TPRG1: variants seen among roughly 807,000 people sequenced by gnomAD.
TPRG1 encodes the protein tumor protein p63 regulated 1.
TPRG1 carries 29 observed loss-of-function variants against 29.3 expected under a neutral mutation model. That is an observed-to-expected ratio of 0.99 (90% CI 0.74 to 1.35). TPRG1 has a LOEUF of 1.35. Among genes scored for constraint, TPRG1 ranks in the 40% most tolerant of loss-of-function variants. The pLI, the probability that TPRG1 is intolerant of heterozygous loss-of-function variation, is 0.00. For missense variants in TPRG1, 327 were observed against 335.0 expected, an observed-to-expected ratio of 0.98 and a Z score of 0.19; for synonymous variants, 130 against 116.8, an observed-to-expected ratio of 1.11 and a Z score of -0.73.
At chr3:189,299,736 C>T (rs570761978) in intron 4 of TPRG1, among the ~76,000 whole-genome samples, 1 of 151,460 alleles carries the variant, frequency 6.6e-6, no homozygotes, top group East Asian at 1.9e-4. Context: ...ATTTAGACAT[C>T]GACCCTATTC....
At chr3:189,048,505 T>A (rs532185352) in intron 4 of TPRG1, among the ~76,000 whole-genome samples, 2 of 152,266 alleles carry the variant, frequency 1.3e-5, no homozygotes, top group Admixed American at 1.3e-4. Context: ...AAAAGATGAG[T>A]CAGCCTATCC....
intron 4 of TPRG1, among the ~76,000 whole-genome samples, chr3:189,289,047 G>GA (rs1256323413): frequency 2.6e-5 from 4 of 152,204 alleles, no homozygotes; most frequent in African/African-American, 7.2e-5. Flanking sequence ...AACCTGGGCT[G>GA]AAAAAAGCTG....
chr3:189,176,589 G>C (rs1243013173), intron 1 of TPRG1, among the ~76,000 whole-genome samples: 1 of 152,178 alleles, frequency 6.6e-6, no homozygotes, highest in Non-Finnish European at 1.5e-5. Context: ...AGAAAGTTAT[G>C]GAGAGCTAGA....
intron 1 of TPRG1, among the ~76,000 whole-genome samples, chr3:189,199,808 A>T (rs368267145): frequency 4.6e-5 from 7 of 152,170 alleles, no homozygotes; most frequent in African/African-American, 1.4e-4. Flanking sequence ...TGAACCCTGG[A>T]GGCAGAGGTT....
chr3:189,119,835 G>T (rs1195281052), intron 1 of TPRG1, among the ~76,000 whole-genome samples: 4 of 152,192 alleles, frequency 2.6e-5, no homozygotes, highest in African/African-American at 9.7e-5. Flanking sequence ...TCTCAGGTAT[G>T]TCTTTAATAG....
chr3:189,011,715 A>G (rs1712610934), intron 3 of TPRG1, among the ~76,000 whole-genome samples: 1 of 152,172 alleles, frequency 6.6e-6, no homozygotes, highest in Non-Finnish European at 1.5e-5. Context: ...GGGAGCTATG[A>G]GATGAGATTT....
intron 4 of TPRG1, among the ~76,000 whole-genome samples, chr3:189,296,601 T>G (rs957006984): frequency 2.6e-5 from 4 of 152,306 alleles, no homozygotes; most frequent in Admixed American, 1.3e-4. Flanking sequence ...GGCCACATAC[T>G]TTAATAAGGA....
At chr3:189,189,116 G>A (rs1316341155) in intron 1 of TPRG1, among the ~76,000 whole-genome samples, 1 of 151,778 alleles carries the variant, frequency 6.6e-6, no homozygotes, top group Non-Finnish European at 1.5e-5. Flanking sequence ...TATAACATTT[G>A]CATTGTAAAA....
At chr3:189,251,761 C>T (rs1020647111) in intron 4 of TPRG1, among the ~76,000 whole-genome samples, 30 of 152,332 alleles carry the variant, frequency 2.0e-4, no homozygotes, top group African/African-American at 6.7e-4. Context: ...AGCCCTAAGG[C>T]GGTTTTTCCC....
At chr3:189,074,199 CTTTTTTTTTTTT>C (rs554150288) in intron 4 of TPRG1, among the ~76,000 whole-genome samples, 1 of 68,080 alleles carries the variant, frequency 1.5e-5, no homozygotes, top group East Asian at 3.8e-4. Context: ...AATTATTTTC[CTTTTTTTTTTTT>C]TTTTTTTTTT....
Position 189,120,455 on chromosome 3 carries a change from A to T in TPRG1, c.-743-6602A>T, listed in dbSNP as rs531807922. 2.6e-5 allele frequency: 4 copies of T among 152,352 alleles called. No individual in the cohort carries two copies. In the East Asian group the frequency reaches 5.8e-4, roughly 22 times the overall value. 9.4% of individuals were successfully genotyped at this position (152,352 alleles called of 1,614,324 possible). ...ATTCTCAGTAAGTTCCAAGATGTAG[A>T]TTCTGGACAAAGAGTCTGGCATACT... On this transcript the variant is annotated intron_variant, in intron 1 of 6. Transcript: ENST00000412373.
At chr3:189,120,059 T>A (rs996893874) in intron 1 of TPRG1, among the ~76,000 whole-genome samples, 9 of 152,192 alleles carry the variant, frequency 5.9e-5, no homozygotes. Context: ...CATCATTAAC[T>A]GTGCCCCAAA....
In TPRG1 at chr3:189,137,154, A is replaced by G. The variant is rs139666888; in HGVS notation, c.-291+4457A>G. 3.3e-4 allele frequency among the ~76,000 whole-genome samples: 50 copies of G among 152,344 alleles called. No individual in the cohort carries two copies. The East Asian group carries it at 8.1e-3, about 25-fold the overall frequency. ...GTGATTTTGCCACGCCTGCTTTGCAATCATTGGGAAATCCCTGTGTATCTT... is the reference window on the plus strand; with the variant it reads ...GTGATTTTGCCACGCCTGCTTTGCAGTCATTGGGAAATCCCTGTGTATCTT... On this transcript the variant is annotated intron_variant, in intron 3 of 6. Coordinates refer to the TPRG1 transcript ENST00000412373.
intron 4 of TPRG1, among the ~76,000 whole-genome samples, chr3:189,087,735 T>C (rs1364399190): frequency 6.6e-6 from 1 of 152,232 alleles, no homozygotes; most frequent in Non-Finnish European, 1.5e-5. Context: ...GTCTAGCCAG[T>C]TTTCCCAGCA....
At chr3:189,260,837 G>A (rs924197888) in intron 4 of TPRG1, among the ~76,000 whole-genome samples, 6 of 152,084 alleles carry the variant, frequency 3.9e-5, no homozygotes, top group African/African-American at 1.2e-4. Flanking sequence ...GGAGGGCATC[G>A]CAGACATCAT....
chr3:189,131,136 A>T lies in TPRG1; in HGVS notation c.-589-1263A>T, dbSNP rs111978224. ...ATAATCTTACCTTTTACTCTAAAAA[A>T]TGTTTTAAATCGGAGCAGCGATTAT... is the stretch of plus-strand genomic sequence containing the variant. On this transcript the variant is annotated intron_variant, in intron 2 of 6. Coordinates refer to the TPRG1 transcript ENST00000412373. Among the ~76,000 whole-genome samples, 836 of 152,296 alleles carry T rather than the reference A, an allele frequency of 5.5e-3. 8 individuals carry two copies. The highest frequency in any genetic ancestry group is 0.019 in the African/African-American group (808 of 41,560).
At chr3:189,312,323 TCCGGAGTAGCTGGGACTACAGGCG>T (rs1375895642) in intron 5 of TPRG1, among the ~76,000 whole-genome samples, 4 of 151,482 alleles carry the variant, frequency 2.6e-5, no homozygotes, top group South Asian at 4.2e-4. Flanking sequence ...TGCCTCAGCC[TCCGGAGTAGCTGGGACTACAGGCG>T]CCCGAAAACA....
intron 1 of TPRG1, 161 bp from the exon 2 acceptor site, chr3:189,207,215 T>C (rs1475970386): frequency 1.0e-6 from 1 of 977,764 alleles, no homozygotes; most frequent in African/African-American, 1.8e-5. Context: ...TAGAAGTCTG[T>C]GTTATGAAGC....
In TPRG1 at chr3:189,215,368, T is replaced by TA; in HGVS notation, c.287_288insA (p.Phe96LeufsTer13). 6.2e-7 allele frequency: 1 copy of TA among 1,611,494 alleles called. No homozygotes were observed. The highest frequency in any genetic ancestry group is 8.5e-7 in the Non-Finnish European group (1 of 1,178,986). The stretch of plus-strand genomic sequence containing the variant: ...ACTTCTGGAGAGACCATTCAAGGCT[T>TA]CTGGCTCTTGACAAAGTGAGTAGTC... On this transcript the variant is annotated frameshift_variant, in exon 3 of 6. Coordinates refer to ENST00000345063, the MANE Select transcript of TPRG1 (RefSeq NM_198485.4). LOFTEE classifies it high-confidence loss of function.
Sources: allele counts gnomAD v4.1 joint callset (sites outside exome capture counted in the v4.1 genomes callset), GRCh38; gene constraint gnomAD v4.1.1; transcripts MANE v1.5; gene names NCBI Gene and HGNC (gene_info 2026-07-23, HGNC 2026-07-21).